LRRTM3: variants seen among roughly 807,000 people sequenced by gnomAD.
LRRTM3 encodes the protein leucine-rich repeat transmembrane neuronal protein 3.
LRRTM3 carries 24 observed loss-of-function variants against 44.7 expected under a neutral mutation model. The observed-to-expected ratio is 0.54, with a 90% CI of 0.39 to 0.76. The LOEUF is 0.76. Among genes scored for constraint, LRRTM3 ranks in the 30% least tolerant of loss-of-function variants. The pLI is 0.00. For synonymous variants in LRRTM3, 277 were observed against 278.7 expected, an observed-to-expected ratio of 0.99 and a Z score of 0.06; for missense variants, 587 against 702.2, an observed-to-expected ratio of 0.84 and a Z score of 1.85.
intron 2 of LRRTM3, among the ~76,000 whole-genome samples, chr10:66,993,129 G>T (rs1240707633): frequency 6.6e-6 from 1 of 152,148 alleles, no homozygotes; most frequent in African/African-American, 2.4e-5. Flanking sequence ...TCGCATGGTT[G>T]ACTACCACAG....
intron 2 of LRRTM3, among the ~76,000 whole-genome samples, chr10:67,042,866 T>G (rs1854488987): frequency 6.6e-6 from 1 of 152,056 alleles, no homozygotes; most frequent in Non-Finnish European, 1.5e-5. Context: ...AGGAGGTAGT[T>G]AAAGGGCAAT....
chr10:67,077,455 A>G (rs1020033307), intron 2 of LRRTM3, among the ~76,000 whole-genome samples: 4 of 151,998 alleles, frequency 2.6e-5, no homozygotes, highest in African/African-American at 7.3e-5. Flanking sequence ...ATCCTGCCAT[A>G]TCCCTGTAGT....
chr10:67,032,822 T>G (rs1343230584), intron 2 of LRRTM3, among the ~76,000 whole-genome samples: 1 of 152,212 alleles, frequency 6.6e-6, no homozygotes, highest in African/African-American at 2.4e-5. Context: ...CAGACCACAC[T>G]GAATCCTTGG....
At chr10:67,020,752 G>A (rs1852956365) in intron 2 of LRRTM3, among the ~76,000 whole-genome samples, 1 of 152,152 alleles carries the variant, frequency 6.6e-6, no homozygotes, top group African/African-American at 2.4e-5. Context: ...ATACAAACTA[G>A]ATTAATTCTA....
chr10:66,978,526 C>CAAAAAAAAA (rs1170594360), intron 2 of LRRTM3, among the ~76,000 whole-genome samples: 1 of 42,320 alleles, frequency 2.4e-5, no homozygotes, highest in African/African-American at 1.0e-4. Context: ...GACTCCATCT[C>CAAAAAAAAA]AAAAAAAAAA....
intron 1 of LRRTM3, 75 bp downstream of exon 1, chr10:66,926,662 G>A: frequency 6.5e-7 from 1 of 1,528,688 alleles, no homozygotes; most frequent in Non-Finnish European, 9.0e-7. Context: ...TAATAATTCT[G>A]CCTTAATTAT....
intron 2 of LRRTM3, among the ~76,000 whole-genome samples, chr10:67,038,803 C>A (rs1417728470): frequency 6.6e-6 from 1 of 151,870 alleles, no homozygotes; most frequent in Non-Finnish European, 1.5e-5. Flanking sequence ...TTGTCTGATA[C>A]TTAAAATCTT....
At chr10:67,044,955 A>G (rs942474003) in intron 2 of LRRTM3, among the ~76,000 whole-genome samples, 1 of 152,178 alleles carries the variant, frequency 6.6e-6, no homozygotes, top group African/African-American at 2.4e-5. Flanking sequence ...AGTAAATAAG[A>G]TTTGATATTT....
At chr10:67,064,781 A>G (rs1181077714) in intron 2 of LRRTM3, among the ~76,000 whole-genome samples, 1 of 152,150 alleles carries the variant, frequency 6.6e-6, no homozygotes, top group Non-Finnish European at 1.5e-5. Context: ...CAGTAATTTC[A>G]ATCTCACTTT....
chr10:67,066,506 T>A (rs1378214797), intron 2 of LRRTM3, among the ~76,000 whole-genome samples: 1 of 143,294 alleles, frequency 7.0e-6, no homozygotes, highest in Non-Finnish European at 1.5e-5. Context: ...CCTTGCTTTT[T>A]AAGATACAGT....
intron 2 of LRRTM3, among the ~76,000 whole-genome samples, chr10:66,989,638 A>G (rs1425946699): frequency 3.3e-5 from 5 of 152,298 alleles, no homozygotes; most frequent in Non-Finnish European, 7.3e-5. Context: ...CTTTTTCTAT[A>G]TATGAGTGAA....
chr10:66,947,138 T>TA (rs1301310196), intron 2 of LRRTM3, among the ~76,000 whole-genome samples: 4 of 151,956 alleles, frequency 2.6e-5, no homozygotes, highest in Admixed American at 6.6e-5. Context: ...ATGATTGTAT[T>TA]AGAAAAAACT....
At chr10:67,021,670 G>A (rs1216401175) in intron 2 of LRRTM3, among the ~76,000 whole-genome samples, 2 of 151,800 alleles carry the variant, frequency 1.3e-5, no homozygotes, top group East Asian at 3.9e-4. Flanking sequence ...TATATATTCC[G>A]AAAAAAATGG....
At chr10:67,092,453 C>T (rs1051245035) in intron 2 of LRRTM3, among the ~76,000 whole-genome samples, 14 of 151,822 alleles carry the variant, frequency 9.2e-5, no homozygotes, top group African/African-American at 3.4e-4. Context: ...GTATTTTGTA[C>T]TTTAAAAATA....
rs144868219 is a variant in LRRTM3 at position 66,927,576 on chromosome 10, C to T, written c.660C>T (p.Leu220=). 68 of 1,614,056 alleles carry T rather than the reference C, an allele frequency of 4.2e-5. No homozygotes were observed. In the African/African-American group the frequency reaches 8.7e-4, roughly 21 times the overall value. The change falls in exon 2 of 3, where the codon CTC becomes CTT. Residue 220 remains leucine, a synonymous_variant. Transcript: ENST00000361320. This position sits in a 1 kb window ranked among gnomAD's most constrained non-coding sequence, Gnocchi z 4.7. ...TGGAGCACAATCAATTTTCCAAGCTCAACCTGGCCCTTTTTCCAAGGTTGG... is the reference window on the plus strand; with the variant it reads ...TGGAGCACAATCAATTTTCCAAGCTTAACCTGGCCCTTTTTCCAAGGTTGG... ...LHLEHNQFSK[L]NLALFPRLVS...
At chr10:67,069,949 C>T (rs971819455) in intron 2 of LRRTM3, among the ~76,000 whole-genome samples, 2 of 152,134 alleles carry the variant, frequency 1.3e-5, no homozygotes, top group Admixed American at 1.3e-4. Flanking sequence ...ATTACTGGGT[C>T]ATGGGATATG....
intron 2 of LRRTM3, among the ~76,000 whole-genome samples, chr10:67,083,313 C>A (rs12243469): frequency 0.16 from 24,756 of 151,910 alleles, 3,072 homozygotes; most frequent in African/African-American, 0.36. Context: ...GAAGACCAAG[C>A]AATCAATATA....
In LRRTM3 at chr10:66,944,820, T is replaced by C. The variant is rs1450391103; in HGVS notation, c.1536+16368T>C. On this transcript the variant is annotated intron_variant, in intron 2 of 2. Transcript: ENST00000361320. Reference sequence around the variant, plus strand: ...GGCATGAAAACAACATTAATCTCCATGTATATGTCCATCAGAGCTCTTGGG... The same window carrying C: ...GGCATGAAAACAACATTAATCTCCACGTATATGTCCATCAGAGCTCTTGGG... Among the ~76,000 whole-genome samples the C allele has an allele frequency of 6.6e-5, 10 of 152,326 alleles. No homozygotes were observed. The South Asian group carries it at 1.7e-3, about 25-fold the overall frequency.
chr10:67,084,247 T>C (rs1173595524), intron 2 of LRRTM3, among the ~76,000 whole-genome samples: 1 of 151,310 alleles, frequency 6.6e-6, no homozygotes, highest in Non-Finnish European at 1.5e-5. Flanking sequence ...CCTCAAATGG[T>C]TGGCAAAAAT....
Sources: allele counts gnomAD v4.1 joint callset (sites outside exome capture counted in the v4.1 genomes callset), GRCh38; gene constraint gnomAD v4.1.1; non-coding constraint Gnocchi (gnomAD v3.1); transcripts MANE v1.5; gene names NCBI Gene and HGNC (gene_info 2026-07-23, HGNC 2026-07-21).